IRS1: variants seen among roughly 807,000 people sequenced by gnomAD.
The protein encoded by IRS1 is insulin receptor substrate 1.
Under a neutral mutation model 65.6 loss-of-function variants are expected in IRS1, and 34 were observed. The observed-to-expected ratio is 0.52, with a 90% CI of 0.39 to 0.69. The LOEUF (loss-of-function observed/expected upper bound fraction) is 0.69. Ranked by LOEUF, IRS1 falls within the 30% of genes least tolerant of loss-of-function variation. The pLI is 0.00. For synonymous variants in IRS1, 699 were observed against 683.5 expected (o/e 1.02, Z -0.35); for missense variants, 1,641 against 1,720.2 (o/e 0.95, Z 0.81).
Position 226,796,748 on chromosome 2 carries a change from A to T in IRS1, c.1991T>A (p.Met664Lys). Residue 664 changes from methionine (M) to lysine (K), a missense_variant, in exon 1 of 2, where the codon ATG becomes AAG. Transcript: ENST00000305123. Reference sequence around the variant, plus strand: ...AGAGCAGCCACCGCTGGGGGACATCATCATGTAGCCATTGGGGTCCACTCT... The same window carrying T: ...AGAGCAGCCACCGCTGGGGGACATCTTCATGTAGCCATTGGGGTCCACTCT... ...PQRVDPNGYM[M>K]MSPSGGCSPD... 6.2e-7 allele frequency: 1 copy of T among 1,608,224 alleles called. No individual in the cohort carries two copies. The highest frequency in any genetic ancestry group is 8.5e-7 in the Non-Finnish European group (1 of 1,176,542).
chr2:226,798,907 G>C lies in IRS1; in HGVS notation c.-169C>G. 1 of 1,500,320 alleles carries C rather than the reference G, an allele frequency of 6.7e-7. No homozygotes were observed. The highest frequency in any genetic ancestry group is 8.9e-7 in the Non-Finnish European group (1 of 1,122,778). The allele number at this position is 1,500,320 out of a possible 1,614,324, so 92.9% of individuals were successfully genotyped here. A position where few individuals can be genotyped will look rare whatever the true frequency, so the allele number is the denominator to read the frequency against. On this transcript the variant is annotated 5_prime_UTR_variant, in exon 1 of 2. Coordinates refer to ENST00000305123, the MANE Select transcript of IRS1 (RefSeq NM_005544.3). This position sits in a 1 kb window ranked among gnomAD's most constrained non-coding sequence, Gnocchi z 9.4. ...CCCGCGCCGGGGAGGGGCAGCTGAA[G>C]GAGGACGCAGCTGCTGAGCCCAGGA...
intron 1 of IRS1, among the ~76,000 whole-genome samples, chr2:226,766,142 TATA>T (rs1939033960): frequency 2.3e-4 from 1 of 4,278 alleles, no homozygotes; most frequent in Non-Finnish European, 7.4e-4. Flanking sequence ...TATATATATA[TATA>T]TATATATATA....
At position 226,796,639 on chromosome 2, in the gene IRS1, T is replaced by A. The variant is rs1939734369; in HGVS notation, c.2100A>T (p.Thr700=). The A allele has an allele frequency of 6.2e-7, 1 of 1,613,790 alleles. No homozygotes were observed. Among genetic ancestry groups the A allele is most frequent in the Non-Finnish European group, 8.5e-7 (1 of 1,179,888 alleles). The part of the protein sequence containing the change: ...PSGTSYGKLW[T]NGVGGHHSHV... ...GAGAGTGGTGGCCCCCTACCCCGTTTGTCCACAGCTTTCCATAGCTGGTCC... is the reference window on the plus strand; with the variant it reads ...GAGAGTGGTGGCCCCCTACCCCGTTAGTCCACAGCTTTCCATAGCTGGTCC... The change falls in exon 1 of 2, where the codon ACA becomes ACT. Residue 700 remains threonine, a synonymous_variant. Transcript: ENST00000305123.
intron 1 of IRS1, among the ~76,000 whole-genome samples, chr2:226,792,639 G>GA (rs1199595105): frequency 2.0e-5 from 3 of 152,196 alleles, no homozygotes; most frequent in Non-Finnish European, 4.4e-5. Context: ...AACAAGCCGA[G>GA]ATGTTTCAAC....
At chr2:226,785,819 T>C (rs895614253) in intron 1 of IRS1, among the ~76,000 whole-genome samples, 3 of 151,296 alleles carry the variant, frequency 2.0e-5, no homozygotes, top group Non-Finnish European at 4.4e-5. Flanking sequence ...TGTATACATG[T>C]GCCATGCTGG....
chr2:226,752,425 G>A (rs551028754), intron 1 of IRS1, among the ~76,000 whole-genome samples: 2 of 152,218 alleles, frequency 1.3e-5, no homozygotes, highest in East Asian at 1.9e-4. Flanking sequence ...CCACAGATTC[G>A]CTTTTCCAGT....
rs751524439 is a variant in IRS1, at chr2:226,795,457, C to T, written c.3282G>A (p.Gly1094=). 1 of 1,613,592 alleles carries T rather than the reference C, an allele frequency of 6.2e-7. No individual in the cohort carries two copies. The highest frequency in any genetic ancestry group is 1.1e-5 in the South Asian group (1 of 91,082). The stretch of plus-strand genomic sequence containing the variant: ...TCTCGGAGCTATGCCTCCGCCGGCA[C>T]CCTTGTGGGTCTGCACGGATCACTT... ...SAKVIRADPQ[G]CRRRHSSETF... is the part of the protein sequence containing the mutation. Residue 1094 remains glycine, a synonymous_variant, in exon 1 of 2, where the codon GGG becomes GGA. Transcript: ENST00000305123.
intron 1 of IRS1, among the ~76,000 whole-genome samples, chr2:226,772,207 G>T (rs1438004764): frequency 6.6e-6 from 1 of 152,180 alleles, no homozygotes; most frequent in African/African-American, 2.4e-5. Context: ...AGGGGCGTTG[G>T]TGGGATATAA....
At chr2:226,790,748 A>G (rs927479831) in intron 1 of IRS1, among the ~76,000 whole-genome samples, 63 of 152,132 alleles carry the variant, frequency 4.1e-4, no homozygotes, top group Admixed American at 3.1e-3. Context: ...CTCCCATAGC[A>G]CTTTTCTTTC....
chr2:226,750,176 G>C (rs1449751773), intron 1 of IRS1, among the ~76,000 whole-genome samples: 1 of 151,166 alleles, frequency 6.6e-6, no homozygotes, highest in East Asian at 1.9e-4. Flanking sequence ...TTGAACCCAG[G>C]AGGCGGAGGT....
intron 1 of IRS1, among the ~76,000 whole-genome samples, chr2:226,786,658 C>A (rs73992218): frequency 0.04 from 5,435 of 135,148 alleles, 136 homozygotes; most frequent in African/African-American, 0.075. Context: ...AAAACAAAAA[C>A]AACAACAACA....
rs983152101 is a variant in IRS1, at chr2:226,794,647, A to G, written c.*21+342T>C. 6.6e-6 allele frequency among the ~76,000 whole-genome samples: 1 copy of G among 152,248 alleles called. No individual in the cohort carries two copies. The highest frequency in any genetic ancestry group is 1.5e-5 in the Non-Finnish European group (1 of 68,044). On this transcript the variant is annotated intron_variant, in intron 1 of 1. Coordinates refer to ENST00000305123, the MANE Select transcript of IRS1 (RefSeq NM_005544.3). The surrounding 1 kb of genome is among the most constrained non-coding windows in gnomAD (Gnocchi z 4.1). ...GTCCCTTCCAGGGGCTGACCTAAAT[A>G]TATAGTGAAAAGAAAACTTCAACAA...
rs185125143 is a variant in IRS1, at chr2:226,737,210, G to T, written c.*22-960C>A. Among the ~76,000 whole-genome samples, 105 of 150,498 alleles carry T rather than the reference G, an allele frequency of 7.0e-4. 1 individual carries two copies. Among genetic ancestry groups the T allele is most frequent in the African/African-American group, 2.4e-3 (100 of 40,948 alleles). On this transcript the variant is annotated intron_variant, in intron 1 of 1. Coordinates refer to ENST00000305123, the MANE Select transcript of IRS1 (RefSeq NM_005544.3). ...ATGCGCTGTTTGGTTTTTTGTTCTT[G>T]TGATAGTTTACTGAGAATGATGATT...
chr2:226,762,600 A>G (rs1434378303), intron 1 of IRS1, among the ~76,000 whole-genome samples: 1 of 152,210 alleles, frequency 6.6e-6, no homozygotes, highest in Non-Finnish European at 1.5e-5. Context: ...CAGACAATAC[A>G]TAAAGAAATG....
intron 1 of IRS1, among the ~76,000 whole-genome samples, chr2:226,759,819 T>C (rs951891205): frequency 2.6e-5 from 4 of 152,112 alleles, no homozygotes; most frequent in East Asian, 1.9e-4. Context: ...GCCATGAAAA[T>C]GCACTGAAAT....
At chr2:226,760,620 A>T (rs1322600091) in intron 1 of IRS1, among the ~76,000 whole-genome samples, 1 of 151,052 alleles carries the variant, frequency 6.6e-6, no homozygotes, top group Non-Finnish European at 1.5e-5. Context: ...CCTCAACCCC[A>T]CCCCCCTCCA....
intron 1 of IRS1, among the ~76,000 whole-genome samples, chr2:226,766,119 T>TC (rs1457078372): frequency 0.011 from 574 of 53,330 alleles, 21 homozygotes; most frequent in African/African-American, 0.028. Flanking sequence ...CCTCTCTTAA[T>TC]CTTATATATA....
rs1328724683 is a variant in IRS1 at position 226,734,354 on chromosome 2, T to C, written c.*1918A>G. The C allele has an allele frequency of 6.6e-6, 1 of 152,378 alleles. No individual in the cohort carries two copies. Among genetic ancestry groups the C allele is most frequent in the Non-Finnish European group, 1.5e-5 (1 of 68,048 alleles). 9.4% of individuals were successfully genotyped at this position (152,378 alleles called of 1,614,324 possible). A position where few individuals can be genotyped will look rare whatever the true frequency, so the allele number is the denominator to read the frequency against. Reference sequence around the variant, plus strand: ...TATTTATCTTAGAAATTGATGAGCATGCAAATGATTAAAATCTGCAATAAC... The same window carrying C: ...TATTTATCTTAGAAATTGATGAGCACGCAAATGATTAAAATCTGCAATAAC... On this transcript the variant is annotated 3_prime_UTR_variant, in exon 2 of 2. Transcript: ENST00000305123.
rs1159918852 is a variant in IRS1 at position 226,794,559 on chromosome 2, T to C, written c.*21+430A>G. ...CACCCTTAAGGGCTCCCAGAAACTA[T>C]TAAGATAGTTTAAGATAAGGAAGGG... On this transcript the variant is annotated intron_variant, in intron 1 of 1. Transcript: ENST00000305123. This position sits in a 1 kb window ranked among gnomAD's most constrained non-coding sequence, Gnocchi z 4.1. 3.3e-5 allele frequency among the ~76,000 whole-genome samples: 5 copies of C among 152,164 alleles called. No homozygotes were observed. The highest frequency in any genetic ancestry group is 1.2e-4 in the African/African-American group (5 of 41,414).
Sources: gnomAD v4.1 joint callset for allele counts (sites outside exome capture counted in the v4.1 genomes callset) on GRCh38, gnomAD v4.1.1 for gene constraint, Gnocchi (gnomAD v3.1) non-coding constraint, MANE v1.5 for transcripts, NCBI Gene and HGNC (gene_info 2026-07-23, HGNC 2026-07-21) for gene names.